The following ABI2 variants were observed in gnomAD, a reference collection of about 807,000 sequenced individuals.
ABI2 encodes abl interactor 2, also known as abelson interactor 2.
A neutral mutation model predicts 59.2 loss-of-function variants in ABI2; 25 were observed. The ratio of observed to expected loss-of-function variants is 0.42; its 90% CI spans 0.31 to 0.59. The LOEUF (loss-of-function observed/expected upper bound fraction) is 0.59, where lower values mean the gene tolerates loss of function less well. ABI2 is among the 20% of genes least tolerant of loss of function. The pLI is 0.14. For synonymous variants in ABI2, 213 were observed against 235.5 expected, an observed-to-expected ratio of 0.90 and a Z score of 0.87; for missense variants, 545 against 681.8, an observed-to-expected ratio of 0.80 and a Z score of 2.23.
rs553481994 is a variant in ABI2, at chr2:203,353,637, G to A, written c.118-13240G>A. Reference sequence around the variant, plus strand: ...TAGGACTACAGGCATGTGCCACCACGCCTGGCTGGTGGCTCATTCCTGTAA... The same window carrying A: ...TAGGACTACAGGCATGTGCCACCACACCTGGCTGGTGGCTCATTCCTGTAA... On this transcript the variant is annotated intron_variant, in intron 1 of 11. Transcript: ENST00000261018. Among the ~76,000 whole-genome samples the A allele has an allele frequency of 9.2e-5, 14 of 151,980 alleles. No homozygotes were observed. In the South Asian group the frequency reaches 1.7e-3, roughly 18 times the overall value.
chr2:203,364,000 G>A (rs1422373474), intron 1 of ABI2, among the ~76,000 whole-genome samples: 1 of 151,490 alleles, frequency 6.6e-6, no homozygotes, highest in Non-Finnish European at 1.5e-5. Flanking sequence ...CTGACCTCAG[G>A]TGATCTGCCC....
chr2:203,424,086 T>C (rs2153597843), intron 11 of ABI2, among the ~76,000 whole-genome samples: 1 of 152,362 alleles, frequency 6.6e-6, no homozygotes, highest in East Asian at 1.9e-4. Flanking sequence ...CTATGCGTGA[T>C]ATACATGCAT....
chr2:203,402,877 TTGTTAATACTG>T (rs2097277533), intron 9 of ABI2, 143 bp downstream of exon 9: 2 of 545,702 alleles, frequency 3.7e-6, no homozygotes. Context: ...GAATTGTAGG[TTGTTAATACTG>T]TATCTTTCAA....
At chr2:203,395,304 G>C (rs1427842251) in intron 6 of ABI2, among the ~76,000 whole-genome samples, 1 of 151,698 alleles carries the variant, frequency 6.6e-6, no homozygotes, top group Non-Finnish European at 1.5e-5. Flanking sequence ...AATATAAAAA[G>C]GCAATATTTA....
intron 10 of ABI2, 41 bp downstream of exon 10, chr2:203,411,412 G>A: frequency 6.7e-7 from 1 of 1,481,556 alleles, no homozygotes; most frequent in East Asian, 2.3e-5. Context: ...CAGATTGTAG[G>A]CATAAAATGT....
At chr2:203,340,389 C>T (rs1193101033) in intron 1 of ABI2, among the ~76,000 whole-genome samples, 1 of 149,900 alleles carries the variant, frequency 6.7e-6, no homozygotes, top group East Asian at 1.9e-4. Flanking sequence ...TTTTTTGAGA[C>T]AGCGTCTTGT....
intron 7 of ABI2, among the ~76,000 whole-genome samples, chr2:203,396,035 C>A (rs1461140173): frequency 6.6e-6 from 1 of 152,138 alleles, no homozygotes; most frequent in African/African-American, 2.4e-5. Flanking sequence ...GTTATGAGTA[C>A]AAGTTTAATT....
intron 1 of ABI2, among the ~76,000 whole-genome samples, chr2:203,352,108 A>G (rs960698568): frequency 3.9e-5 from 6 of 152,198 alleles, no homozygotes; most frequent in African/African-American, 9.6e-5. Flanking sequence ...CTATGAAAGT[A>G]CAATAATAAA....
intron 1 of ABI2, among the ~76,000 whole-genome samples, chr2:203,350,740 A>G (rs962500693): frequency 2.7e-5 from 4 of 150,816 alleles, no homozygotes; most frequent in African/African-American, 9.8e-5. Flanking sequence ...GGGTTTCACC[A>G]TCTTGGCCAG....
At chr2:203,387,208 T>A (rs1424829848) in intron 4 of ABI2, among the ~76,000 whole-genome samples, 1 of 152,130 alleles carries the variant, frequency 6.6e-6, no homozygotes, top group Non-Finnish European at 1.5e-5. Context: ...AATGGGAGAT[T>A]TCATAGCAGA....
intron 1 of ABI2, among the ~76,000 whole-genome samples, chr2:203,364,318 TCCTGACCTCAAATGATCTGCCCG>T (rs376601718): frequency 0.012 from 1,878 of 152,060 alleles, 19 homozygotes; most frequent in Non-Finnish European, 0.018. Flanking sequence ...ACTCTTGAAT[TCCTGACCTCAAATGATCTGCCCG>T]CCTCAGCCTC....
intron 1 of ABI2, among the ~76,000 whole-genome samples, chr2:203,356,183 A>G (rs934832299): frequency 6.6e-6 from 1 of 151,998 alleles, no homozygotes; most frequent in African/African-American, 2.4e-5. Flanking sequence ...TCAGGTCTGA[A>G]AAAATTAACT....
intron 1 of ABI2, among the ~76,000 whole-genome samples, chr2:203,366,554 A>C (rs893968249): frequency 6.6e-6 from 1 of 152,184 alleles, no homozygotes; most frequent in African/African-American, 2.4e-5. Context: ...TATACGTTCA[A>C]ATCAGTGCTA....
intron 3 of ABI2, among the ~76,000 whole-genome samples, chr2:203,381,900 C>T (rs2096153773): frequency 6.6e-6 from 1 of 152,040 alleles, no homozygotes; most frequent in Admixed American, 6.6e-5. Flanking sequence ...GGATTCTAGC[C>T]CCTTCATTTT....
intron 8 of ABI2, among the ~76,000 whole-genome samples, 193 bp downstream of exon 8, chr2:203,397,160 A>G (rs2097034092): frequency 6.6e-6 from 1 of 152,046 alleles, no homozygotes; most frequent in South Asian, 2.1e-4. Context: ...TTTCTCATAC[A>G]TTTTTCCAAT....
intron 1 of ABI2, among the ~76,000 whole-genome samples, chr2:203,350,157 AC>A (rs2086804103): frequency 6.6e-6 from 1 of 152,032 alleles, no homozygotes; most frequent in South Asian, 2.1e-4. Flanking sequence ...GCTCACTGTA[AC>A]CTCTGTCTCC....
At chr2:203,408,089 GAA>G (rs1344710097) in intron 9 of ABI2, among the ~76,000 whole-genome samples, 1 of 151,830 alleles carries the variant, frequency 6.6e-6, no homozygotes, top group Non-Finnish European at 1.5e-5. Context: ...GACTAGCTTT[GAA>G]AAAAGTCTAA....
rs1193035268 is a variant in ABI2, at chr2:203,328,720, ACACG to A, written c.117+90_117+93del. On this transcript the variant is annotated intron_variant, in intron 1 of 11. Coordinates refer to ENST00000261018, the MANE Select transcript of ABI2 (RefSeq NM_001375670.1). Reference sequence around the variant, plus strand: ...GCGTGGGGCCGAGGCCGCCTCGGGGACACGGCCCAGCGGAGCCCCCGATGGGGGT... The same window carrying A: ...GCGTGGGGCCGAGGCCGCCTCGGGGAGCCCAGCGGAGCCCCCGATGGGGGT... 3.7e-6 allele frequency: 3 copies of A among 819,652 alleles called. No individual in the cohort carries two copies. In the African/African-American group the frequency reaches 5.6e-5, roughly 15 times the overall value. The allele number at this position is 819,652 out of a possible 1,614,324, so 50.8% of individuals were successfully genotyped here.
chr2:203,394,035 TGTG>T (rs1048912175), intron 5 of ABI2, among the ~76,000 whole-genome samples: 4 of 152,180 alleles, frequency 2.6e-5, no homozygotes, highest in South Asian at 2.1e-4. Flanking sequence ...GAAAGGCTGT[TGTG>T]GTGGTCATTC....
Sources: allele counts gnomAD v4.1 joint callset (sites outside exome capture counted in the v4.1 genomes callset), GRCh38; gene constraint gnomAD v4.1.1; transcripts MANE v1.5; gene names NCBI Gene and HGNC (gene_info 2026-07-23, HGNC 2026-07-21).